SCN8A: variants seen among roughly 807,000 people sequenced by gnomAD.
SCN8A encodes the protein sodium channel protein type 8 subunit alpha.
A neutral mutation model predicts 184.1 loss-of-function variants in SCN8A; 30 were observed. The ratio of observed to expected loss-of-function variants is 0.16; its 90% confidence interval spans 0.12 to 0.22. SCN8A has a LOEUF of 0.22. SCN8A is among the 10% of genes least tolerant of loss of function. The pLI, the probability that SCN8A is intolerant of heterozygous loss-of-function variation, is 1.00. For missense variants in SCN8A, 1,057 were observed against 2,498.9 expected (o/e 0.42, Z 12.30); for synonymous variants, 852 against 907.0 (o/e 0.94, Z 1.09).
chr12:51,720,832 G>A (rs1942041192), intron 11 of SCN8A, among the ~76,000 whole-genome samples: 2 of 151,728 alleles, frequency 1.3e-5, no homozygotes, highest in African/African-American at 4.8e-5. Flanking sequence ...TTGGGAGGCC[G>A]AGGCGGGTGG....
chr12:51,777,845 G>A (rs867370589), intron 20 of SCN8A, among the ~76,000 whole-genome samples: 1 of 152,174 alleles, frequency 6.6e-6, no homozygotes, highest in African/African-American at 2.4e-5. Context: ...ACAAAGTTTC[G>A]TAAGATGAAG....
At position 51,755,325 on chromosome 12, in the gene SCN8A, GT is replaced by G. The variant is rs752797206; in HGVS notation, c.2370+3735del. On this transcript the variant is annotated intron_variant, in intron 14 of 26. Coordinates refer to ENST00000627620, the MANE Select transcript of SCN8A (RefSeq NM_001330260.2). ...TTATCTGAGTTACAATCCATTTGATGTTTAGACTTCCTCTGATGTGGCCAGT... is the reference window on the plus strand; with the variant it reads ...TTATCTGAGTTACAATCCATTTGATGTTAGACTTCCTCTGATGTGGCCAGT... 8.7e-4 allele frequency among the ~76,000 whole-genome samples: 132 copies of G among 152,320 alleles called. 1 individual carries two copies. The highest frequency in any genetic ancestry group is 1.6e-3 in the Non-Finnish European group (110 of 68,022).
At chr12:51,654,867 A>T (rs1349481621) in intron 1 of SCN8A, among the ~76,000 whole-genome samples, 1 of 151,680 alleles carries the variant, frequency 6.6e-6, no homozygotes, top group Non-Finnish European at 1.5e-5. Flanking sequence ...CTTCCAACAT[A>T]TTTTTTTGTG....
At chr12:51,799,453 A>G (rs1388111895) in intron 26 of SCN8A, among the ~76,000 whole-genome samples, 3 of 152,202 alleles carry the variant, frequency 2.0e-5, no homozygotes, top group African/African-American at 4.8e-5. Flanking sequence ...GCCGTCCCTC[A>G]AAAGGCGAGT....
chr12:51,774,474 T>C (rs1937629282), intron 20 of SCN8A, 112 bp downstream of exon 20: 1 of 976,164 alleles, frequency 1.0e-6, no homozygotes, highest in African/African-American at 1.6e-5. Context: ...GATCAAGATG[T>C]AGATGTAGGT....
chr12:51,603,681 G>A (rs1939520043), intron 1 of SCN8A, among the ~76,000 whole-genome samples: 2 of 152,168 alleles, frequency 1.3e-5, no homozygotes, highest in South Asian at 2.1e-4. Context: ...CAGCATATGC[G>A]AGTTCAGGTG....
At chr12:51,760,048 A>G (rs1056665172) in intron 14 of SCN8A, among the ~76,000 whole-genome samples, 2 of 152,244 alleles carry the variant, frequency 1.3e-5, no homozygotes, top group African/African-American at 2.4e-5. Context: ...GAGTCCTCAC[A>G]TGACCTAATC....
intron 1 of SCN8A, among the ~76,000 whole-genome samples, chr12:51,645,449 G>C (rs1180024586): frequency 6.6e-6 from 1 of 152,168 alleles, no homozygotes; most frequent in Non-Finnish European, 1.5e-5. Flanking sequence ...CCCTGTCTGG[G>C]AGGTGTACCC....
At chr12:51,652,031 A>G (rs751191252) in intron 1 of SCN8A, among the ~76,000 whole-genome samples, 1 of 152,070 alleles carries the variant, frequency 6.6e-6, no homozygotes, top group Non-Finnish European at 1.5e-5. Flanking sequence ...TATGGATGAG[A>G]AAAAAAATCA....
rs1396312360 is a variant in SCN8A, at chr12:51,809,574, C to CCTAT, written c.*2148_*2151dup. The stretch of plus-strand genomic sequence containing the variant: ...TACACCCAATACCAGACTGGGAAGG[C>CCTAT]CTATCTTTCAGTGACCCTGCTAACT... On this transcript the variant is annotated 3_prime_UTR_variant, in exon 27 of 27. Coordinates refer to ENST00000627620, the MANE Select transcript of SCN8A (RefSeq NM_001330260.2). 6.6e-6 allele frequency: 1 copy of CCTAT among 152,202 alleles called. No homozygotes were observed. Among genetic ancestry groups the CCTAT allele is most frequent in the African/African-American group, 2.4e-5 (1 of 41,446 alleles). 9.4% of individuals were successfully genotyped at this position (152,202 alleles called of 1,614,324 possible).
At chr12:51,722,347 A>G (rs1942082892) in intron 12 of SCN8A, 1 of 193,358 alleles carries the variant, frequency 5.2e-6, no homozygotes, top group Admixed American at 5.4e-5. Context: ...TGAGAATGCC[A>G]TGGAGCCACC....
intron 1 of SCN8A, among the ~76,000 whole-genome samples, chr12:51,624,205 T>G (rs1005972330): frequency 1.3e-5 from 2 of 152,218 alleles, no homozygotes; most frequent in South Asian, 4.1e-4. Flanking sequence ...CCACAAGGGT[T>G]GAACTAGTTT....
chr12:51,801,157 T>C (rs1938546605), intron 26 of SCN8A, among the ~76,000 whole-genome samples: 1 of 152,226 alleles, frequency 6.6e-6, no homozygotes, highest in Non-Finnish European at 1.5e-5. Flanking sequence ...CTAATCAGAC[T>C]ATTCTGAATG....
intron 2 of SCN8A, among the ~76,000 whole-genome samples, chr12:51,681,777 ACT>A (rs2138704079): frequency 1.3e-5 from 2 of 152,308 alleles, no homozygotes; most frequent in East Asian, 3.9e-4. Context: ...GAATGACGTG[ACT>A]CTGGTAGATT....
intron 8 of SCN8A, among the ~76,000 whole-genome samples, chr12:51,702,024 T>C (rs2046290): frequency 0.89 from 135,946 of 152,150 alleles, 60,894 homozygotes; most frequent in East Asian, 1. Context: ...AGAAAACAAA[T>C]GATTAAGAGG....
At chr12:51,649,480 C>T (rs1016618190) in intron 1 of SCN8A, among the ~76,000 whole-genome samples, 5 of 152,224 alleles carry the variant, frequency 3.3e-5, no homozygotes, top group East Asian at 1.9e-4. Context: ...CTGGGCATCC[C>T]GGCATTTCCT....
chr12:51,782,901 G>A (rs946340692), intron 21 of SCN8A, among the ~76,000 whole-genome samples: 7 of 152,154 alleles, frequency 4.6e-5, no homozygotes, highest in Non-Finnish European at 8.8e-5. Flanking sequence ...TGGAGGTCCC[G>A]AATGAATAAT....
rs1334800699 is a variant in SCN8A, at chr12:51,774,479, G to A, written c.3819+117G>A. ...CCAGGTTATAGATCAAGATGTAGAT[G>A]TAGGTGTGGGTAAAGTTCCTTTCAT... On this transcript the variant is annotated intron_variant, in intron 20 of 26. Transcript: ENST00000627620. 2.2e-5 allele frequency: 20 copies of A among 918,438 alleles called. No homozygotes were observed. In the South Asian group the frequency reaches 3.8e-4, roughly 17 times the overall value. The allele number at this position is 918,438 out of a possible 1,614,324, so 56.9% of individuals were successfully genotyped here. A position where few individuals can be genotyped will look rare whatever the true frequency, so the allele number is the denominator to read the frequency against.
chr12:51,601,284 T>C (rs550852810), intron 1 of SCN8A, among the ~76,000 whole-genome samples: 9 of 152,312 alleles, frequency 5.9e-5, no homozygotes, highest in African/African-American at 1.7e-4. Flanking sequence ...CATCTTTTTG[T>C]TTGTAGTATT....
Sources: gnomAD v4.1 joint callset for allele counts (sites outside exome capture counted in the v4.1 genomes callset) on GRCh38, gnomAD v4.1.1 for gene constraint, MANE v1.5 for transcripts, NCBI Gene and HGNC (gene_info 2026-07-23, HGNC 2026-07-21) for gene names.